The following CCDC158 variants were observed in gnomAD, a reference collection of about 807,000 sequenced individuals.
The protein encoded by CCDC158 is coiled-coil domain containing 158.
A neutral mutation model predicts 138.6 loss-of-function variants in CCDC158; 116 were observed. That is an observed-to-expected ratio of 0.84 (90% confidence interval 0.72 to 0.98). The LOEUF (loss-of-function observed/expected upper bound fraction) is 0.98, where lower values mean the gene tolerates loss of function less well. Among genes scored for constraint, CCDC158 ranks in the 50% least tolerant of loss-of-function variants. CCDC158 has a pLI of 0.00. For synonymous variants in CCDC158, 436 were observed against 442.4 expected, an observed-to-expected ratio of 0.99 and a Z score of 0.18; for missense variants, 1,265 against 1,306.1, an observed-to-expected ratio of 0.97 and a Z score of 0.48.
chr4:76,369,383 G>A (rs936979298), intron 11 of CCDC158, 43 bp downstream of exon 11: 2 of 1,583,122 alleles, frequency 1.3e-6, no homozygotes, highest in Admixed American at 1.7e-5. Flanking sequence ...TATTTCCCCA[G>A]AGGAGATTGT....
intron 15 of CCDC158, 140 bp downstream of exon 15, chr4:76,355,184 G>A: frequency 1.7e-6 from 1 of 602,552 alleles, no homozygotes; most frequent in Non-Finnish European, 3.0e-6. Flanking sequence ...GCTTTTCTAG[G>A]AACTTTTCCC....
chr4:76,318,588 A>T (rs1356978434), intron 24 of CCDC158, among the ~76,000 whole-genome samples: 2 of 152,210 alleles, frequency 1.3e-5, no homozygotes, highest in Non-Finnish European at 2.9e-5. Flanking sequence ...GGCATTAAAA[A>T]AGGATTGGTA....
intron 14 of CCDC158, among the ~76,000 whole-genome samples, 161 bp from the exon 15 acceptor site, chr4:76,355,597 A>G (rs1262566470): frequency 6.6e-6 from 1 of 152,166 alleles, no homozygotes; most frequent in African/African-American, 2.4e-5. Context: ...CGGTTTTTAT[A>G]ATGTTGGAAT....
chr4:76,377,270 C>A (rs1200069821), intron 9 of CCDC158, among the ~76,000 whole-genome samples: 1 of 152,170 alleles, frequency 6.6e-6, no homozygotes, highest in Non-Finnish European at 1.5e-5. Context: ...ATGTAAGAAA[C>A]CACAGGTGAG....
chr4:76,313,990 T>G (rs1250504433), intron 24 of CCDC158, among the ~76,000 whole-genome samples: 1 of 152,164 alleles, frequency 6.6e-6, no homozygotes, highest in Non-Finnish European at 1.5e-5. Context: ...AAACATCCTT[T>G]TTTCTTTCTT....
intron 9 of CCDC158, among the ~76,000 whole-genome samples, chr4:76,373,346 A>G (rs1013731263): frequency 6.6e-6 from 1 of 152,236 alleles, no homozygotes; most frequent in African/African-American, 2.4e-5. Context: ...TTACTATTTT[A>G]TCATCTACTT....
intron 19 of CCDC158, among the ~76,000 whole-genome samples, chr4:76,333,488 T>C (rs1721186961): frequency 6.6e-6 from 1 of 152,192 alleles, no homozygotes; most frequent in Admixed American, 6.5e-5. Flanking sequence ...GCTAAATTCT[T>C]TTTGGATCTA....
At chr4:76,337,551 TG>T (rs1046969674) in intron 18 of CCDC158, among the ~76,000 whole-genome samples, 10 of 151,788 alleles carry the variant, frequency 6.6e-5, no homozygotes, top group African/African-American at 2.4e-4. Flanking sequence ...GCCAACATGG[TG>T]AAACCCCGTC....
chr4:76,420,208 C>T (rs536681505), intron 1 of CCDC158, among the ~76,000 whole-genome samples: 2 of 152,000 alleles, frequency 1.3e-5, no homozygotes, highest in Non-Finnish European at 2.9e-5. Context: ...ACAGTCCTAC[C>T]TAGCATGTCT....
At chr4:76,344,708 A>C in intron 18 of CCDC158, 1 of 1,614,050 alleles carries the variant, frequency 6.2e-7, no homozygotes, top group Non-Finnish European at 8.5e-7. Context: ...GGCAACATGA[A>C]GACTTTGTGT....
intron 9 of CCDC158, among the ~76,000 whole-genome samples, chr4:76,378,870 T>G (rs1316157948): frequency 6.6e-6 from 1 of 152,242 alleles, no homozygotes; most frequent in Non-Finnish European, 1.5e-5. Context: ...ATTCATTTAA[T>G]TAATCTTAAC....
intron 14 of CCDC158, among the ~76,000 whole-genome samples, chr4:76,356,874 A>G (rs1016062285): frequency 3.3e-5 from 5 of 152,192 alleles, no homozygotes; most frequent in African/African-American, 1.2e-4. Context: ...CTGCATTAGT[A>G]TGGGCAGCAA....
At chr4:76,315,631 G>A (rs1029779367) in intron 24 of CCDC158, among the ~76,000 whole-genome samples, 2 of 152,206 alleles carry the variant, frequency 1.3e-5, no homozygotes. Flanking sequence ...CTGTCCATGT[G>A]AAAATATCAC....
intron 2 of CCDC158, among the ~76,000 whole-genome samples, chr4:76,403,910 G>C (rs1296705488): frequency 6.6e-6 from 1 of 152,136 alleles, no homozygotes; most frequent in Non-Finnish European, 1.5e-5. Context: ...AAATGGGAGG[G>C]AAGAGGTAAG....
chr4:76,420,663 A>G (rs571039731), intron 1 of CCDC158, among the ~76,000 whole-genome samples: 2 of 152,310 alleles, frequency 1.3e-5, no homozygotes, highest in Admixed American at 1.3e-4. Flanking sequence ...ACACAGAGTC[A>G]GCAGTCACGT....
chr4:76,372,158 C>T (rs17001845), intron 9 of CCDC158, among the ~76,000 whole-genome samples: 4,470 of 152,178 alleles, frequency 0.029, 220 homozygotes, highest in African/African-American at 0.1. Flanking sequence ...TTTAAGAAAG[C>T]TTGAGGGTTG....
chr4:76,344,946 T>A (rs949063932), intron 18 of CCDC158: 1 of 1,510,886 alleles, frequency 6.6e-7, no homozygotes, highest in Non-Finnish European at 9.2e-7. Context: ...AAAAGTGTGG[T>A]GAAAAGTGCT....
chr4:76,377,980 G>T (rs186372711), intron 9 of CCDC158, among the ~76,000 whole-genome samples: 1 of 151,854 alleles, frequency 6.6e-6, no homozygotes, highest in Non-Finnish European at 1.5e-5. Context: ...TCAGTTGCAT[G>T]TGTGTTGGAT....
At chr4:76,421,298 G>T (rs1730109698), upstream of CCDC158, among the ~76,000 whole-genome samples, 1 of 151,994 alleles carries the variant, frequency 6.6e-6, no homozygotes, top group South Asian at 2.1e-4. Flanking sequence ...CCCCTCCCGC[G>T]CCTGCGACTC....
Sources: gnomAD v4.1 joint callset for allele counts (sites outside exome capture counted in the v4.1 genomes callset) on GRCh38, gnomAD v4.1.1 for gene constraint, MANE v1.5 for transcripts, NCBI Gene and HGNC (gene_info 2026-07-23, HGNC 2026-07-21) for gene names.